Variants in LRRC37A2 observed in about 807,000 individuals in gnomAD.
LRRC37A2 encodes the protein leucine rich repeat containing 37 member A2, also known as leucine-rich repeat-containing protein 37A2.
A neutral mutation model predicts 68.8 loss-of-function variants in LRRC37A2; 9 were observed. The observed-to-expected ratio is 0.13, with a 90% CI of 0.08 to 0.23. The LOEUF (loss-of-function observed/expected upper bound fraction) is 0.23, where lower values mean the gene tolerates loss of function less well. Among genes scored for constraint, LRRC37A2 ranks in the 10% least tolerant of loss-of-function variants. The pLI is 1.00. For missense variants in LRRC37A2, 168 were observed against 950.4 expected (o/e 0.18, Z 10.82); for synonymous variants, 63 against 367.6 (o/e 0.17, Z 9.48).
At chr17:46,923,691 TG>T in the LRRC37A2 span, 1 of 723,574 alleles carries the variant, frequency 1.4e-6, no homozygotes, top group African/African-American at 1.8e-5. Context: ...CACATTTTTA[TG>T]GTACAAAGAA....
the LRRC37A2 span, chr17:46,821,037 G>A: frequency 6.6e-6 from 1 of 152,274 alleles, no homozygotes; most frequent in African/African-American, 2.4e-5. Context: ...GTGTGTGTTG[G>A]CTGAGATATG....
At chr17:46,694,386 C>T in the LRRC37A2 span, 1 of 1,112,020 alleles carries the variant, frequency 9.0e-7, no homozygotes, top group East Asian at 4.8e-5. Flanking sequence ...GACTCTGTCT[C>T]AAAATAATAG....
chr17:46,871,042 C>T, the LRRC37A2 span, among the ~76,000 whole-genome samples: 1 of 151,430 alleles, frequency 6.6e-6, no homozygotes, highest in Non-Finnish European at 1.5e-5. Context: ...TCCCAAGTAG[C>T]TGGGACTACA....
the LRRC37A2 span, chr17:46,851,761 T>C: frequency 9.7e-7 from 1 of 1,026,038 alleles, no homozygotes; most frequent in Non-Finnish European, 1.3e-6. This position sits in a 1 kb window ranked among gnomAD's most constrained non-coding sequence, Gnocchi z 4.3. Context: ...CCTGCCTGTC[T>C]CTCCCTCCTG....
chr17:46,872,629 C>T, the LRRC37A2 span: 1 of 1,613,494 alleles, frequency 6.2e-7, no homozygotes, highest in South Asian at 1.1e-5. Flanking sequence ...GTCCCGGCGG[C>T]AGAAGCAGCT....
At chr17:46,816,468 AACACACGCACAC>A in the LRRC37A2 span, among the ~76,000 whole-genome samples, 2 of 96,528 alleles carry the variant, frequency 2.1e-5, no homozygotes, top group South Asian at 3.9e-4. Context: ...ATAGACCCAG[AACACACGCACAC>A]ACACACACAC....
chr17:46,712,316 T>G, the LRRC37A2 span, among the ~76,000 whole-genome samples: 1 of 152,220 alleles, frequency 6.6e-6, no homozygotes, highest in South Asian at 2.1e-4. Context: ...TGTGCACATA[T>G]TATCTATTTA....
At chr17:46,843,042 T>C in the LRRC37A2 span, among the ~76,000 whole-genome samples, 1 of 152,336 alleles carries the variant, frequency 6.6e-6, no homozygotes, top group Admixed American at 6.5e-5. Flanking sequence ...GTGACTCCTA[T>C]TGGAGACATG....
the LRRC37A2 span, among the ~76,000 whole-genome samples, chr17:46,963,314 G>A: frequency 7.6e-3 from 1,156 of 152,312 alleles, 12 homozygotes; most frequent in African/African-American, 0.026. Flanking sequence ...GGAGGCCAAG[G>A]CGGGTGGATC....
At chr17:47,021,836 G>C in the LRRC37A2 span, 1 of 1,461,824 alleles carries the variant, frequency 6.8e-7, no homozygotes, top group South Asian at 1.1e-5. Flanking sequence ...GATATAAACT[G>C]TGTTTCTTCA....
At chr17:46,836,486 A>G in the LRRC37A2 span, among the ~76,000 whole-genome samples, 22 of 152,310 alleles carry the variant, frequency 1.4e-4, no homozygotes, top group African/African-American at 5.1e-4. Flanking sequence ...GTTTTTTTAC[A>G]CTGATAAGAG....
At chr17:46,937,193 G>A in the LRRC37A2 span, 1 of 152,150 alleles carries the variant, frequency 6.6e-6, no homozygotes, top group Admixed American at 6.5e-5. Context: ...TGTTTTGGTG[G>A]TGGGTGATGC....
At chr17:46,849,982 G>T in the LRRC37A2 span, among the ~76,000 whole-genome samples, 8 of 152,058 alleles carry the variant, frequency 5.3e-5, no homozygotes, top group Non-Finnish European at 1.2e-4. Flanking sequence ...TGAGTAGCTG[G>T]GATTACAGGC....
At chr17:46,978,812 G>T in the LRRC37A2 span, 2 of 1,610,710 alleles carry the variant, frequency 1.2e-6, no homozygotes, top group African/African-American at 2.7e-5. Context: ...TGCGCCACCC[G>T]CGACACCCAC....
chr17:46,936,781 GA>G, the LRRC37A2 span: 54 of 964,314 alleles, frequency 5.6e-5, no homozygotes, highest in South Asian at 1.4e-4. Flanking sequence ...CTATCTCGGG[GA>G]AAAAAAAATA....
chr17:46,998,442 G>A, the LRRC37A2 span, among the ~76,000 whole-genome samples: 2 of 152,208 alleles, frequency 1.3e-5, no homozygotes, highest in Non-Finnish European at 2.9e-5. Context: ...GTGCAGCCAT[G>A]GATCCTTTAA....
chr17:46,838,923 G>T, the LRRC37A2 span, among the ~76,000 whole-genome samples: 1 of 152,090 alleles, frequency 6.6e-6, no homozygotes, highest in Non-Finnish European at 1.5e-5. Flanking sequence ...TGTCGCCCAG[G>T]CTGGAGTGAA....
chr17:46,929,833 G>T, the LRRC37A2 span: 1 of 494,758 alleles, frequency 2.0e-6, no homozygotes, highest in Non-Finnish European at 3.7e-6. Context: ...GAATGGAAGC[G>T]CTTGCCTCCA....
the LRRC37A2 span, chr17:47,018,414 C>T: frequency 1.3e-6 from 2 of 1,594,836 alleles, no homozygotes; most frequent in Admixed American, 1.7e-5. Context: ...TTTAGATTCA[C>T]CCAGTGTCTC....
Sources: gnomAD v4.1 joint callset for allele counts (sites outside exome capture counted in the v4.1 genomes callset) on GRCh38, gnomAD v4.1.1 for gene constraint, Gnocchi (gnomAD v3.1) non-coding constraint, MANE v1.5 for transcripts, NCBI Gene and HGNC (gene_info 2026-07-23, HGNC 2026-07-21) for gene names.